NAALADL2: variants seen among roughly 807,000 people sequenced by gnomAD.
The protein encoded by NAALADL2 is N-acetylated alpha-linked acidic dipeptidase like 2, also known as inactive N-acetylated-alpha-linked acidic dipeptidase-like protein 2.
Under a neutral mutation model 87.2 loss-of-function variants are expected in NAALADL2, and 76 were observed. The observed-to-expected ratio is 0.87, with a 90% CI of 0.72 to 1.05. The LOEUF is 1.05. Ranked by LOEUF, NAALADL2 falls within the 50% of genes least tolerant of loss-of-function variation. The probability of loss-of-function intolerance (pLI) is 0.00; values close to 1 mark genes in which losing one functional copy is unlikely to be tolerated. For synonymous variants in NAALADL2, 354 were observed against 331.0 expected (o/e 1.07, Z -0.75); for missense variants, 1,089 against 945.8 (o/e 1.15, Z -1.99).
chr3:175,683,218 C>T (rs1027076987), intron 11 of NAALADL2, among the ~76,000 whole-genome samples: 1 of 151,746 alleles, frequency 6.6e-6, no homozygotes, highest in Non-Finnish European at 1.5e-5. Context: ...TACTTGTTTA[C>T]CAAAGTAAAA....
At chr3:174,748,875 C>T (rs1425836354) in intron 3 of NAALADL2, among the ~76,000 whole-genome samples, 2 of 152,230 alleles carry the variant, frequency 1.3e-5, no homozygotes, top group East Asian at 3.9e-4. Flanking sequence ...TGGTTGTAAC[C>T]TCTGAATTGG....
chr3:174,504,357 C>A (rs1004063785), intron 1 of NAALADL2, among the ~76,000 whole-genome samples: 2 of 152,038 alleles, frequency 1.3e-5, no homozygotes, highest in Non-Finnish European at 2.9e-5. Flanking sequence ...TGGAGTGATA[C>A]ACTGGGGATA....
intron 3 of NAALADL2, among the ~76,000 whole-genome samples, chr3:174,799,759 C>T (rs1440717163): frequency 6.6e-6 from 1 of 152,080 alleles, no homozygotes; most frequent in Non-Finnish European, 1.5e-5. Context: ...GAGAAGAAGA[C>T]AGGAAAATGT....
intron 2 of NAALADL2, among the ~76,000 whole-genome samples, chr3:174,668,729 T>C (rs191192998): frequency 6.8e-4 from 103 of 152,342 alleles, no homozygotes; most frequent in African/African-American, 2.4e-3. Flanking sequence ...GCTTCATCCA[T>C]GTCCCTACAA....
chr3:174,823,568 T>G (rs1721655737), intron 3 of NAALADL2, among the ~76,000 whole-genome samples: 1 of 152,198 alleles, frequency 6.6e-6, no homozygotes, highest in South Asian at 2.1e-4. Flanking sequence ...GAAATTGTAC[T>G]TCAACATCAT....
At chr3:175,579,791 T>C (rs1719486348) in intron 10 of NAALADL2, among the ~76,000 whole-genome samples, 1 of 152,176 alleles carries the variant, frequency 6.6e-6, no homozygotes, top group Non-Finnish European at 1.5e-5. Flanking sequence ...CCAATGCACA[T>C]TTCCTCTGTC....
chr3:174,887,715 T>C (rs73045482), intron 1 of NAALADL2, among the ~76,000 whole-genome samples: 2,589 of 152,240 alleles, frequency 0.017, 59 homozygotes, highest in African/African-American at 0.053. Flanking sequence ...GAAGATCATT[T>C]GAGCCCAAGT....
intron 1 of NAALADL2, among the ~76,000 whole-genome samples, chr3:175,087,681 T>C (rs1187250028): frequency 1.3e-5 from 2 of 152,114 alleles, no homozygotes; most frequent in East Asian, 3.9e-4. Flanking sequence ...GTGCAAGATG[T>C]GCTTTGTTAA....
intron 2 of NAALADL2, among the ~76,000 whole-genome samples, chr3:175,099,461 T>C (rs915327497): frequency 6.6e-6 from 1 of 152,198 alleles, no homozygotes; most frequent in Non-Finnish European, 1.5e-5. Flanking sequence ...TTCAAAACAA[T>C]TGTATTTTTG....
chr3:174,811,662 G>GAGTT (rs1024735218), intron 3 of NAALADL2, among the ~76,000 whole-genome samples: 2 of 152,104 alleles, frequency 1.3e-5, no homozygotes, highest in African/African-American at 4.8e-5. Flanking sequence ...TTGGACTTTT[G>GAGTT]AGTTAATGCT....
At chr3:174,649,250 A>G (rs989774898) in intron 2 of NAALADL2, among the ~76,000 whole-genome samples, 5 of 152,190 alleles carry the variant, frequency 3.3e-5, no homozygotes, top group Admixed American at 3.3e-4. Flanking sequence ...GGCATGAGCC[A>G]CCAAGCCCAG....
At chr3:174,866,576 T>G (rs888264362) in intron 1 of NAALADL2, among the ~76,000 whole-genome samples, 3 of 151,840 alleles carry the variant, frequency 2.0e-5, no homozygotes, top group African/African-American at 7.2e-5. Context: ...CTTACTCAAT[T>G]GTCTGTCCCA....
At chr3:175,313,861 A>G (rs931459159) in intron 4 of NAALADL2, among the ~76,000 whole-genome samples, 10 of 151,984 alleles carry the variant, frequency 6.6e-5, no homozygotes, top group Non-Finnish European at 1.0e-4. Context: ...TCAGGAGATC[A>G]AGACCATCTT....
At chr3:175,180,254 A>G (rs886903757) in intron 2 of NAALADL2, among the ~76,000 whole-genome samples, 4 of 152,040 alleles carry the variant, frequency 2.6e-5, no homozygotes, top group Non-Finnish European at 5.9e-5. Context: ...CAGAACAAAA[A>G]TTATATCAAT....
chr3:174,740,143 G>C (rs1486137431), intron 3 of NAALADL2, among the ~76,000 whole-genome samples: 2 of 151,932 alleles, frequency 1.3e-5, no homozygotes, highest in Non-Finnish European at 2.9e-5. Context: ...ATGTGGGCAA[G>C]GTGGACATGT....
chr3:174,717,443 A>C (rs1036163726), intron 2 of NAALADL2, among the ~76,000 whole-genome samples: 1 of 152,228 alleles, frequency 6.6e-6, no homozygotes, highest in Admixed American at 6.5e-5. Flanking sequence ...CTAACTATGT[A>C]CACATTTTAA....
intron 2 of NAALADL2, among the ~76,000 whole-genome samples, chr3:174,594,570 C>T (rs1717692717): frequency 1.3e-5 from 2 of 152,104 alleles, no homozygotes; most frequent in African/African-American, 4.8e-5. Flanking sequence ...AATTGAGTTG[C>T]GGCTCTGAGT....
chr3:175,718,225 A>ATT, intron 11 of NAALADL2: 1 of 230,332 alleles, frequency 4.3e-6, no homozygotes, highest in South Asian at 5.4e-5. Context: ...TTTTTTTTTG[A>ATT]TTAGTTGCTG....
At chr3:174,602,636 T>A (rs1718571416) in intron 2 of NAALADL2, among the ~76,000 whole-genome samples, 1 of 152,096 alleles carries the variant, frequency 6.6e-6, no homozygotes, top group Non-Finnish European at 1.5e-5. Flanking sequence ...TCTTCTCAGA[T>A]TGCTCTAGCT....
Sources: gnomAD v4.1 joint callset for allele counts (sites outside exome capture counted in the v4.1 genomes callset) on GRCh38, gnomAD v4.1.1 for gene constraint, MANE v1.5 for transcripts, NCBI Gene and HGNC (gene_info 2026-07-23, HGNC 2026-07-21) for gene names.